Variants in SHOC2 observed in about 807,000 individuals in gnomAD.
The protein encoded by SHOC2 is leucine-rich repeat protein SHOC-2.
Under a neutral mutation model 50.2 loss-of-function variants are expected in SHOC2, and 4 were observed. The observed-to-expected ratio is 0.08, with a 90% CI of 0.04 to 0.18. SHOC2 has a LOEUF of 0.18. Among genes scored for constraint, SHOC2 ranks in the 10% least tolerant of loss-of-function variants. The probability of loss-of-function intolerance (pLI) is 1.00; values close to 1 mark genes in which losing one functional copy is unlikely to be tolerated. For synonymous variants in SHOC2, 218 were observed against 244.5 expected (o/e 0.89, Z 1.01); for missense variants, 388 against 669.6 (o/e 0.58, Z 4.64).
chr10:110,973,707 C>T (rs1459274938), intron 2 of SHOC2, among the ~76,000 whole-genome samples: 3 of 151,964 alleles, frequency 2.0e-5, no homozygotes, highest in East Asian at 1.9e-4. Context: ...TTTTGAATTT[C>T]GAATTCAGTT....
chr10:110,963,088 C>T (rs891957808), intron 1 of SHOC2, among the ~76,000 whole-genome samples: 1 of 152,130 alleles, frequency 6.6e-6, no homozygotes, highest in African/African-American at 2.4e-5. Flanking sequence ...TTAAGCTAGT[C>T]AGGTAAGAAG....
chr10:110,939,176 C>T (rs1276161677), intron 1 of SHOC2, among the ~76,000 whole-genome samples: 3 of 152,010 alleles, frequency 2.0e-5, no homozygotes, highest in African/African-American at 7.2e-5. Flanking sequence ...CCTATAACTC[C>T]AGATTTTTTT....
Position 110,978,651 on chromosome 10 carries a change from C to G in SHOC2, c.704-6977C>G, listed in dbSNP as rs919866267. On this transcript the variant is annotated intron_variant, in intron 2 of 8. Coordinates refer to ENST00000369452, the MANE Select transcript of SHOC2 (RefSeq NM_007373.4). ...CCTTTAGCCTTCTAGCTGTGGTTCT[C>G]CCCTTGGGCTCCTTGCAGTCTCCTC... Among the ~76,000 whole-genome samples the G allele has an allele frequency of 4.6e-5, 7 of 152,334 alleles. No homozygotes were observed. In the South Asian group the frequency reaches 1.5e-3, roughly 32 times the overall value.
At chr10:110,984,713 C>T (rs935926401) in intron 2 of SHOC2, among the ~76,000 whole-genome samples, 4 of 152,010 alleles carry the variant, frequency 2.6e-5, no homozygotes, top group African/African-American at 9.7e-5. Flanking sequence ...ATTTAAATTG[C>T]CAATACAGAG....
At chr10:110,975,931 A>G (rs1469413871) in intron 2 of SHOC2, among the ~76,000 whole-genome samples, 2 of 148,848 alleles carry the variant, frequency 1.3e-5, no homozygotes, top group Non-Finnish European at 3.0e-5. Flanking sequence ...TTTTTGTGAG[A>G]TGGAGTTTTG....
At chr10:111,003,030 G>A (rs951173885) in intron 4 of SHOC2, among the ~76,000 whole-genome samples, 2 of 152,188 alleles carry the variant, frequency 1.3e-5, no homozygotes, top group African/African-American at 4.8e-5. Flanking sequence ...CTGCCATGCA[G>A]TTTTCTTGCC....
chr10:110,972,950 G>T (rs1847810326), intron 2 of SHOC2, among the ~76,000 whole-genome samples: 1 of 152,148 alleles, frequency 6.6e-6, no homozygotes, highest in African/African-American at 2.4e-5. Flanking sequence ...AGAGAGGGAG[G>T]CAGACATTGT....
intron 3 of SHOC2, among the ~76,000 whole-genome samples, chr10:110,986,624 C>T (rs1848083037): frequency 6.6e-6 from 1 of 152,048 alleles, no homozygotes; most frequent in Admixed American, 6.6e-5. Flanking sequence ...CAGGCGTCCA[C>T]CACCACGCCT....
chr10:110,927,527 G>A (rs1468624120), intron 1 of SHOC2, among the ~76,000 whole-genome samples: 1 of 152,186 alleles, frequency 6.6e-6, no homozygotes, highest in Non-Finnish European at 1.5e-5. Flanking sequence ...TACTTTGGAA[G>A]TAGTGATTTG....
chr10:110,998,115 T>A (rs1031088737), intron 3 of SHOC2, among the ~76,000 whole-genome samples: 1 of 151,954 alleles, frequency 6.6e-6, no homozygotes, highest in Non-Finnish European at 1.5e-5. Context: ...TTCTCCTTCC[T>A]GAGCCTCCCA....
intron 1 of SHOC2, among the ~76,000 whole-genome samples, chr10:110,961,493 T>C (rs7087353): frequency 0.017 from 2,662 of 152,344 alleles, 79 homozygotes; most frequent in African/African-American, 0.061. Context: ...AGTTAATAGC[T>C]AGGTCTGGCT....
At chr10:110,987,656 C>T (rs947758109) in intron 3 of SHOC2, among the ~76,000 whole-genome samples, 6 of 151,970 alleles carry the variant, frequency 3.9e-5, no homozygotes, top group Non-Finnish European at 7.4e-5. Flanking sequence ...GGACCAAGCA[C>T]AATTATTTCA....
At chr10:110,985,903 A>G (rs370963826) in intron 3 of SHOC2, 138 bp downstream of exon 3, 25 of 732,296 alleles carry the variant, frequency 3.4e-5, no homozygotes, top group East Asian at 3.0e-4. Context: ...TTAAGATAAT[A>G]TTTTAAAATC....
chr10:110,944,405 A>AT (rs1269364515), intron 1 of SHOC2, among the ~76,000 whole-genome samples: 2 of 145,804 alleles, frequency 1.4e-5, no homozygotes, highest in Non-Finnish European at 3.0e-5. Context: ...AAAAAAGCTG[A>AT]CTTAGAAGTG....
chr10:110,965,398 T>A (rs138043915), intron 2 of SHOC2, among the ~76,000 whole-genome samples: 171 of 152,304 alleles, frequency 1.1e-3, no homozygotes, highest in African/African-American at 4.0e-3. Context: ...TATCTGTTGA[T>A]ACAATTTTAT....
At position 111,007,588 on chromosome 10, in the gene SHOC2, T is replaced by C; in HGVS notation, c.1219T>C (p.Leu407=). The change falls in exon 6 of 9, where the codon TTG becomes CTG. Residue 407 remains leucine, a synonymous_variant. Transcript: ENST00000369452. ...TGGAACTTGGACCAGTATGGTAGAA[T>C]TGAATTTAGCCACTAATCAGCTCAC... The part of the protein sequence containing the change: ...DFGTWTSMVE[L]NLATNQLTKI... 2 of 1,613,748 alleles carry C rather than the reference T, an allele frequency of 1.2e-6. No individual in the cohort carries two copies.
chr10:110,986,559 C>T (rs1032620623), intron 3 of SHOC2, among the ~76,000 whole-genome samples: 3 of 151,996 alleles, frequency 2.0e-5, no homozygotes, highest in Admixed American at 6.6e-5. Flanking sequence ...CTGCAGCCTC[C>T]GCCTCCTGGG....
rs1333953583 is a variant in SHOC2, at chr10:110,964,873, G to A, written c.515G>A (p.Arg172Gln). 1.2e-6 allele frequency: 2 copies of A among 1,613,904 alleles called. No homozygotes were observed. The highest frequency in any genetic ancestry group is 1.7e-6 in the Non-Finnish European group (2 of 1,179,936). ...TCTCTTGATAACTTGAAGAAGCTGC[G>A]GATGCTTGATTTACGGCATAATAAA... ...PDSLDNLKKL[R>Q]MLDLRHNKLR... The change falls in exon 2 of 9, where the codon CGG (arginine) becomes CAG (glutamine). Residue 172 changes from arginine to glutamine, a missense_variant. Arg to Gln is a conservative substitution (Grantham distance 43, BLOSUM62 1). This residue lies in a region of SHOC2 where 88 missense variants were observed against 147.2 expected (regional missense o/e 0.60). Coordinates refer to ENST00000369452, the MANE Select transcript of SHOC2 (RefSeq NM_007373.4). This position sits in a 1 kb window ranked among gnomAD's most constrained non-coding sequence, Gnocchi z 4.9.
At chr10:110,979,624 C>T (rs1847936695) in intron 2 of SHOC2, among the ~76,000 whole-genome samples, 1 of 152,184 alleles carries the variant, frequency 6.6e-6, no homozygotes, top group Non-Finnish European at 1.5e-5. Context: ...CACCCTTAGC[C>T]AGAGCTCAGT....
Sources: allele counts gnomAD v4.1 joint callset (sites outside exome capture counted in the v4.1 genomes callset), GRCh38; gene constraint gnomAD v4.1.1; regional missense constraint gnomAD v4.1.1; non-coding constraint Gnocchi (gnomAD v3.1); transcripts MANE v1.5; gene names NCBI Gene and HGNC (gene_info 2026-07-23, HGNC 2026-07-21).